Variants in SLCO2A1 observed in about 807,000 individuals in gnomAD.
SLCO2A1 encodes solute carrier organic anion transporter family member 2A1.
Under a neutral mutation model 71.7 loss-of-function variants are expected in SLCO2A1, and 60 were observed. The observed-to-expected ratio is 0.84, with a 90% CI of 0.68 to 1.04. The LOEUF (loss-of-function observed/expected upper bound fraction) is 1.04, where lower values mean the gene tolerates loss of function less well. SLCO2A1 is among the 50% of genes least tolerant of loss of function. The probability of loss-of-function intolerance (pLI) is 0.00; values close to 1 mark genes in which losing one functional copy is unlikely to be tolerated. For missense variants in SLCO2A1, 745 were observed against 813.4 expected (o/e 0.92, Z 1.02); for synonymous variants, 308 against 326.7 (o/e 0.94, Z 0.62).
chr3:133,957,578 C>T (rs1933927502), intron 3 of SLCO2A1, among the ~76,000 whole-genome samples: 1 of 152,116 alleles, frequency 6.6e-6, no homozygotes. Flanking sequence ...GATGGAAGAA[C>T]ATGGCATGGG....
At chr3:133,935,298 G>T (rs1379174871) in intron 13 of SLCO2A1, among the ~76,000 whole-genome samples, 1 of 152,200 alleles carries the variant, frequency 6.6e-6, no homozygotes, top group African/African-American at 2.4e-5. Context: ...GAGGTGGCTG[G>T]AAGGGGTGCA....
chr3:133,936,288 C>T lies in SLCO2A1; in HGVS notation c.1691-391G>A, dbSNP rs113394634. Among the ~76,000 whole-genome samples the T allele has an allele frequency of 3.3e-5, 5 of 152,240 alleles. 1 individual carries two copies. The highest frequency in any genetic ancestry group is 1.2e-4 in the African/African-American group (5 of 41,552). On this transcript the variant is annotated intron_variant, in intron 12 of 13. Coordinates refer to ENST00000310926, the MANE Select transcript of SLCO2A1 (RefSeq NM_005630.3). ...ACACTGGCCCCGAGGTGTGGGTGCCCACTTTTTAGTGAAGAGGAAGGGGTT... is the reference window on the plus strand; with the variant it reads ...ACACTGGCCCCGAGGTGTGGGTGCCTACTTTTTAGTGAAGAGGAAGGGGTT...
intron 12 of SLCO2A1, among the ~76,000 whole-genome samples, chr3:133,936,257 G>A (rs1933268763): frequency 6.6e-6 from 1 of 152,178 alleles, no homozygotes; most frequent in African/African-American, 2.4e-5. Context: ...GACTTCTCAG[G>A]TCCTCACACT....
chr3:133,934,624 G>A lies in SLCO2A1; in HGVS notation c.*89C>T. 1.1e-6 allele frequency: 1 copy of A among 920,066 alleles called. No individual in the cohort carries two copies. The highest frequency in any genetic ancestry group is 2.5e-5 in the East Asian group (1 of 40,778). The allele number at this position is 920,066 out of a possible 1,614,324, so 57.0% of individuals were successfully genotyped here. ...TCTTTCTTGTTTAAAAATACAAAAA[G>A]GAAATGACGTGTTAACATTAGTGAG... is the stretch of plus-strand genomic sequence containing the variant. On this transcript the variant is annotated 3_prime_UTR_variant, in exon 14 of 14. Coordinates refer to ENST00000310926, the MANE Select transcript of SLCO2A1 (RefSeq NM_005630.3).
At chr3:133,969,479 T>C (rs1934276941) in intron 3 of SLCO2A1, among the ~76,000 whole-genome samples, 1 of 152,008 alleles carries the variant, frequency 6.6e-6, no homozygotes, top group African/African-American at 2.4e-5. Context: ...CTCAAACTTC[T>C]GGGCTCAAGT....
At chr3:133,986,735 C>T (rs908625820) in intron 1 of SLCO2A1, among the ~76,000 whole-genome samples, 1 of 152,232 alleles carries the variant, frequency 6.6e-6, no homozygotes, top group African/African-American at 2.4e-5. Flanking sequence ...GTGTGGGGGA[C>T]TTGGCCCAAG....
intron 1 of SLCO2A1, among the ~76,000 whole-genome samples, chr3:134,026,894 T>C (rs144284548): frequency 0.023 from 3,485 of 152,316 alleles, 94 homozygotes; most frequent in African/African-American, 0.064. Context: ...AAGTGTGGCA[T>C]GGATTTGATC....
intron 3 of SLCO2A1, among the ~76,000 whole-genome samples, chr3:133,962,826 C>T (rs34521507): frequency 0.095 from 14,487 of 152,238 alleles, 796 homozygotes; most frequent in Middle Eastern, 0.2. Flanking sequence ...CAGGAACATG[C>T]CTGCCTTTTC....
At chr3:133,979,423 A>G in intron 2 of SLCO2A1, 58 bp downstream of exon 2, 1 of 1,606,348 alleles carries the variant, frequency 6.2e-7, no homozygotes, top group Admixed American at 1.7e-5. Flanking sequence ...CTTCTCCTGG[A>G]TCTTGTGGTC....
Position 133,935,880 on chromosome 3 carries a change from C to A in SLCO2A1, c.1708G>T (p.Ala570Ser), listed in dbSNP as rs768666335. The change falls in exon 13 of 14, where the codon GCC becomes TCC. Residue 570 changes from alanine to serine, a missense_variant. Coordinates refer to ENST00000310926, the MANE Select transcript of SLCO2A1 (RefSeq NM_005630.3). The part of the protein sequence containing the change: ...MRLLAWLPSP[A>S]LYGLTIDHSC... ...TGGTCAATGGTGAGGCCATAGAGGGCTGGAGATGGCAGCCAGGCTGGAAGA... is the reference window on the plus strand; with the variant it reads ...TGGTCAATGGTGAGGCCATAGAGGGATGGAGATGGCAGCCAGGCTGGAAGA... 6.2e-7 allele frequency: 1 copy of A among 1,602,338 alleles called. No homozygotes were observed.
At chr3:133,969,080 CAAGT>C (rs1352821005) in intron 3 of SLCO2A1, among the ~76,000 whole-genome samples, 13 of 152,158 alleles carry the variant, frequency 8.5e-5, no homozygotes, top group Admixed American at 2.6e-4. Context: ...GTAATCAACA[CAAGT>C]AATAGGTCTG....
In SLCO2A1 at chr3:133,948,693, T is replaced by A. The variant is rs1381457003; in HGVS notation, c.948A>T (p.Pro316=). Residue 316 remains proline, a synonymous_variant, in exon 8 of 14, where the codon CCA becomes CCT. Coordinates refer to ENST00000310926, the MANE Select transcript of SLCO2A1 (RefSeq NM_005630.3). ...GSLVDFIKRF[P]CIFLRLLMNS... ...TCATCAGGAGCCTCAGAAAGATGCA[T>A]GGAAACCCTGTGAACAGACCGCTGT... 8 of 1,613,614 alleles carry A rather than the reference T, an allele frequency of 5.0e-6. No individual in the cohort carries two copies. Among genetic ancestry groups the A allele is most frequent in the Non-Finnish European group, 6.8e-6 (8 of 1,179,814 alleles).
At chr3:134,010,651 G>A (rs1935316359) in intron 1 of SLCO2A1, among the ~76,000 whole-genome samples, 1 of 151,738 alleles carries the variant, frequency 6.6e-6, no homozygotes, top group East Asian at 1.9e-4. Flanking sequence ...CTACTCAAGG[G>A]GCTGAGGCAG....
chr3:133,954,973 C>G lies in SLCO2A1; in HGVS notation c.618G>C (p.Leu206=), dbSNP rs372538708. The change falls in exon 4 of 14, where the codon CTG becomes CTC. Residue 206 remains leucine, a synonymous_variant. Coordinates refer to ENST00000310926, the MANE Select transcript of SLCO2A1 (RefSeq NM_005630.3). ...DDFSEPSNSP[L]YISILFAISV... ...TTCAAGCCGGTGACTCACAGATGTA[C>G]AGGGGCGAGTTGCTGGGCTCTGAGA... is the stretch of plus-strand genomic sequence containing the variant. 1.1e-5 allele frequency: 18 copies of G among 1,613,776 alleles called. No homozygotes were observed. The highest frequency in any genetic ancestry group is 1.5e-5 in the Non-Finnish European group (18 of 1,179,800).
intron 11 of SLCO2A1, among the ~76,000 whole-genome samples, chr3:133,941,525 G>C (rs565809429): frequency 6.6e-6 from 1 of 151,964 alleles, no homozygotes; most frequent in Non-Finnish European, 1.5e-5. Context: ...CTCTGCTTGC[G>C]AGGTGAGTGA....
At chr3:134,010,414 G>C (rs892741093) in intron 1 of SLCO2A1, among the ~76,000 whole-genome samples, 1 of 152,082 alleles carries the variant, frequency 6.6e-6, no homozygotes, top group Non-Finnish European at 1.5e-5. Context: ...GAGGGAGAGA[G>C]AGCAAGAGTG....
chr3:133,989,812 G>T (rs1373888328), intron 1 of SLCO2A1, among the ~76,000 whole-genome samples: 1 of 152,204 alleles, frequency 6.6e-6, no homozygotes, highest in African/African-American at 2.4e-5. Flanking sequence ...TATGGTGCCT[G>T]TTACTACAGA....
At chr3:134,009,608 G>A (rs532730458) in intron 1 of SLCO2A1, among the ~76,000 whole-genome samples, 2 of 152,242 alleles carry the variant, frequency 1.3e-5, no homozygotes, top group Non-Finnish European at 2.9e-5. Flanking sequence ...CCCATGAAGG[G>A]CGTAAATGCT....
chr3:134,012,608 C>A (rs1399483038), intron 1 of SLCO2A1, among the ~76,000 whole-genome samples: 1 of 152,144 alleles, frequency 6.6e-6, no homozygotes, highest in Non-Finnish European at 1.5e-5. Flanking sequence ...AGATTCTATA[C>A]AATAAGATGT....
Sources: gnomAD v4.1 joint callset for allele counts (sites outside exome capture counted in the v4.1 genomes callset) on GRCh38, gnomAD v4.1.1 for gene constraint, MANE v1.5 for transcripts, NCBI Gene and HGNC (gene_info 2026-07-23, HGNC 2026-07-21) for gene names.